Variants in SBF2 observed in about 807,000 individuals in gnomAD.
The protein encoded by SBF2 is myotubularin-related protein 13.
In SBF2, 112 loss-of-function variants were observed where a neutral mutation model predicts 225.2. The observed-to-expected ratio is 0.50, with a 90% CI of 0.43 to 0.58. The LOEUF (loss-of-function observed/expected upper bound fraction) is 0.58, where lower values mean the gene tolerates loss of function less well. Ranked by LOEUF, SBF2 falls within the 20% of genes least tolerant of loss-of-function variation. The pLI is 0.00. For missense variants in SBF2, 1,996 were observed against 2,206.2 expected (o/e 0.90, Z 1.91); for synonymous variants, 763 against 773.3 (o/e 0.99, Z 0.22).
At chr11:9,965,381 C>A (rs1240293240) in intron 14 of SBF2, among the ~76,000 whole-genome samples, 1 of 151,192 alleles carries the variant, frequency 6.6e-6, no homozygotes, top group East Asian at 1.9e-4. Flanking sequence ...GGCTGCCTCC[C>A]AGGTTCAAGT....
intron 1 of SBF2, among the ~76,000 whole-genome samples, chr11:10,232,011 A>G (rs576448094): frequency 6.6e-6 from 1 of 152,034 alleles, no homozygotes; most frequent in Non-Finnish European, 1.5e-5. Flanking sequence ...GCAATGGCGG[A>G]CGCCCCTCCC....
chr11:10,205,389 A>G lies in SBF2; in HGVS notation c.56-11402T>C, dbSNP rs541760592. On this transcript the variant is annotated intron_variant, in intron 1 of 39. Transcript: ENST00000256190. ...GCTCTTCCCCACTAAGTATAAGCCT[A>G]TAAATAACACAGGAGGCAACCAAAG... 8.5e-5 allele frequency among the ~76,000 whole-genome samples: 13 copies of G among 152,132 alleles called. No homozygotes were observed. In the South Asian group the frequency reaches 2.7e-3, roughly 32 times the overall value.
intron 2 of SBF2, among the ~76,000 whole-genome samples, chr11:10,082,455 T>A (rs529007666): frequency 3.3e-5 from 5 of 152,096 alleles, no homozygotes; most frequent in African/African-American, 1.2e-4. Flanking sequence ...CATATCAATA[T>A]CCCTCTTGAA....
At position 10,029,761 on chromosome 11, in the gene SBF2, T is replaced by C. The variant is rs1554990552; in HGVS notation, c.513+4A>G. On this transcript the variant is annotated splice_donor_region_variant and intron_variant, in intron 5 of 39. Coordinates refer to ENST00000256190, the MANE Select transcript of SBF2 (RefSeq NM_030962.4). ...TTCTCCACCTCTCTTTCTATTCTAT[T>C]TACCTGAGACCCTCCAGCCGCTGGG... 1 of 1,584,030 alleles carries C rather than the reference T, an allele frequency of 6.3e-7. No individual in the cohort carries two copies. The highest frequency in any genetic ancestry group is 8.7e-7 in the Non-Finnish European group (1 of 1,152,566).
At chr11:9,901,904 C>T (rs1277399108) in intron 16 of SBF2, among the ~76,000 whole-genome samples, 2 of 152,160 alleles carry the variant, frequency 1.3e-5, no homozygotes, top group African/African-American at 4.8e-5. Context: ...ATTTGGCCTC[C>T]CAAAGTGCTG....
upstream of SBF2, among the ~76,000 whole-genome samples, chr11:10,298,410 A>T (rs1351990215): frequency 6.6e-6 from 1 of 152,222 alleles, no homozygotes; most frequent in Admixed American, 6.5e-5. Context: ...AAAATAAAAA[A>T]TTTTAAAAAA....
At chr11:9,812,483 G>C in intron 30 of SBF2, 49 bp downstream of exon 30, 1 of 1,589,398 alleles carries the variant, frequency 6.3e-7, no homozygotes, top group South Asian at 1.1e-5. Flanking sequence ...TATCTACTTG[G>C]GCCTCTGTTT....
chr11:9,882,550 T>C lies in SBF2; in HGVS notation c.1929+13393A>G, dbSNP rs955317066. Among the ~76,000 whole-genome samples, 3 of 152,290 alleles carry C rather than the reference T, an allele frequency of 2.0e-5. 1 individual carries two copies. In the South Asian group the frequency reaches 6.2e-4, roughly 32 times the overall value. On this transcript the variant is annotated intron_variant, in intron 17 of 39. Transcript: ENST00000256190. ...TCGGCCGGGCATGGTGGCTCATGTC[T>C]GTAATCCCAGCACTTTGGGAGGCCA...
In SBF2 at chr11:10,132,763, G is replaced by A. The variant is rs1478059477; in HGVS notation, c.141+61139C>T. Among the ~76,000 whole-genome samples, 4 of 148,942 alleles carry A rather than the reference G, an allele frequency of 2.7e-5. 1 individual carries two copies. Among genetic ancestry groups the A allele is most frequent in the Non-Finnish European group, 4.4e-5 (3 of 67,432 alleles). ...ATGCTGGCTCGGGCAGCCTGCTTTT[G>A]TTCTGTTATCTGGCCCCACCCACAT... is the stretch of plus-strand genomic sequence containing the variant. On this transcript the variant is annotated intron_variant, in intron 2 of 39. Coordinates refer to ENST00000256190, the MANE Select transcript of SBF2 (RefSeq NM_030962.4).
intron 36 of SBF2, 24 bp from the exon 37 acceptor site, chr11:9,785,342 A>G: frequency 6.2e-7 from 1 of 1,601,656 alleles, no homozygotes; most frequent in East Asian, 2.2e-5. Context: ...GACAGGAGCT[A>G]GGAAACCTTT....
intron 2 of SBF2, chr11:10,165,189 G>T (rs1955899105): frequency 6.6e-6 from 1 of 152,146 alleles, no homozygotes; most frequent in Non-Finnish European, 1.5e-5. Flanking sequence ...CTATATAAAT[G>T]ATTTTGGTCT....
At chr11:10,107,609 T>G (rs1437789312) in intron 2 of SBF2, among the ~76,000 whole-genome samples, 3 of 152,142 alleles carry the variant, frequency 2.0e-5, no homozygotes, top group Non-Finnish European at 2.9e-5. Flanking sequence ...CTCTGAAGGA[T>G]TATGTATTCT....
At chr11:10,113,427 A>G (rs1952975527) in intron 2 of SBF2, among the ~76,000 whole-genome samples, 1 of 152,194 alleles carries the variant, frequency 6.6e-6, no homozygotes, top group Non-Finnish European at 1.5e-5. Flanking sequence ...TTCATCTGAT[A>G]TTTTTCTATA....
At chr11:10,096,388 T>C (rs1161513322) in intron 2 of SBF2, among the ~76,000 whole-genome samples, 1 of 144,430 alleles carries the variant, frequency 6.9e-6, no homozygotes, top group Non-Finnish European at 1.5e-5. Context: ...TATTTTTAAC[T>C]ACTCAATTTG....
At chr11:9,796,290 A>G (rs1453635107) in intron 32 of SBF2, among the ~76,000 whole-genome samples, 3 of 152,230 alleles carry the variant, frequency 2.0e-5, no homozygotes, top group Non-Finnish European at 4.4e-5. Context: ...GACATTAAAC[A>G]GTAGTTAGTG....
chr11:9,798,003 A>G (rs1853237983), intron 32 of SBF2, among the ~76,000 whole-genome samples: 1 of 151,730 alleles, frequency 6.6e-6, no homozygotes, highest in South Asian at 2.1e-4. Context: ...TGAATAAATG[A>G]TAAAGGCTCA....
At chr11:9,930,344 G>C (rs1319912410) in intron 16 of SBF2, among the ~76,000 whole-genome samples, 1 of 152,058 alleles carries the variant, frequency 6.6e-6, no homozygotes, top group African/African-American at 2.4e-5. Flanking sequence ...TAATGATGCT[G>C]AGTAAAAGAA....
intron 16 of SBF2, among the ~76,000 whole-genome samples, chr11:9,954,789 G>T (rs1866055533): frequency 6.6e-6 from 1 of 152,022 alleles, no homozygotes; most frequent in South Asian, 2.1e-4. Flanking sequence ...TTCTATAAGT[G>T]CCATAATTGT....
At chr11:9,954,638 T>A (rs1169667456) in intron 16 of SBF2, among the ~76,000 whole-genome samples, 1 of 152,114 alleles carries the variant, frequency 6.6e-6, no homozygotes, top group Non-Finnish European at 1.5e-5. Flanking sequence ...TATTTGGTTT[T>A]TTTCAAACAA....
Sources: allele counts gnomAD v4.1 joint callset (sites outside exome capture counted in the v4.1 genomes callset), GRCh38; gene constraint gnomAD v4.1.1; transcripts MANE v1.5; gene names NCBI Gene and HGNC (gene_info 2026-07-23, HGNC 2026-07-21).